The following ACER1 variants were observed in gnomAD, a reference collection of about 807,000 sequenced individuals.
ACER1 encodes alkaline ceramidase 1, also known as CTB-180A7.3.
Under a neutral mutation model 24.9 loss-of-function variants are expected in ACER1, and 28 were observed. That is an observed-to-expected ratio of 1.13 (90% CI 0.83 to 1.54). The LOEUF is 1.54. ACER1 is among the 40% of genes most tolerant of loss of function. ACER1 has a pLI of 0.00. For synonymous variants in ACER1, 132 were observed against 131.4 expected, an observed-to-expected ratio of 1.00 and a Z score of -0.03; for missense variants, 352 against 349.3, an observed-to-expected ratio of 1.01 and a Z score of -0.06.
At chr19:6,347,217 TC>T in the ACER1 span, among the ~76,000 whole-genome samples, 7 of 141,662 alleles carry the variant, frequency 4.9e-5, no homozygotes, top group East Asian at 2.1e-4. Flanking sequence ...TCTTTTCTTT[TC>T]TTTTTCTTTT....
upstream of ACER1, among the ~76,000 whole-genome samples, chr19:6,337,769 G>A (rs1329493526): frequency 1.1e-4 from 16 of 139,648 alleles, no homozygotes; most frequent in East Asian, 3.6e-3. Context: ...TCCGCCTCCT[G>A]GGTTCATGCC....
intron 1 of ACER1, 141 bp from the exon 2 acceptor site, chr19:6,312,640 A>ACTCAC: frequency 1.6e-6 from 1 of 611,712 alleles, no homozygotes; most frequent in Non-Finnish European, 2.9e-6. Context: ...TTTGTCAATC[A>ACTCAC]CTCACCTGTC....
At chr19:6,319,063 T>C (rs984637388) in intron 1 of ACER1, among the ~76,000 whole-genome samples, 2 of 151,842 alleles carry the variant, frequency 1.3e-5, no homozygotes, top group Non-Finnish European at 2.9e-5. Context: ...GCCCAGGATG[T>C]GGTATGAGCT....
At chr19:6,331,654 CGTG>C (rs1568313808) in intron 1 of ACER1, among the ~76,000 whole-genome samples, 1 of 151,648 alleles carries the variant, frequency 6.6e-6, no homozygotes, top group Non-Finnish European at 1.5e-5. Context: ...ATTAGCCAGG[CGTG>C]GTGGTGGGAA....
At chr19:6,355,509 A>T in the ACER1 span, among the ~76,000 whole-genome samples, 1 of 146,184 alleles carries the variant, frequency 6.8e-6, no homozygotes, top group Non-Finnish European at 1.5e-5. Context: ...CCCTCTGCCC[A>T]GCAGCCACCC....
At chr19:6,332,923 C>A (rs930155826) in intron 1 of ACER1, among the ~76,000 whole-genome samples, 4 of 152,098 alleles carry the variant, frequency 2.6e-5, no homozygotes, top group Admixed American at 6.6e-5. Flanking sequence ...CCCACCTTGG[C>A]CTTCCAAAGT....
chr19:6,315,914 A>C (rs1010209519), intron 1 of ACER1, among the ~76,000 whole-genome samples: 1 of 152,158 alleles, frequency 6.6e-6, no homozygotes, highest in Non-Finnish European at 1.5e-5. Flanking sequence ...CAAATCACGA[A>C]GTCAGGAATT....
At chr19:6,340,085 G>C in the ACER1 span, among the ~76,000 whole-genome samples, 1 of 151,456 alleles carries the variant, frequency 6.6e-6, no homozygotes, top group Non-Finnish European at 1.5e-5. Context: ...GACCAGCCTG[G>C]CCAACATGGT....
rs757918776 is a variant in ACER1 at position 6,312,150 on chromosome 19, T to A, written c.349A>T (p.Arg117Trp). 1.2e-6 allele frequency: 2 copies of A among 1,613,348 alleles called. No homozygotes were observed. The highest frequency in any genetic ancestry group is 2.7e-5 in the African/African-American group (2 of 74,914). ...CCAGATGGCCAGCCCCTGACCCACC[T>A]GTTCCCCCCAAGGAAGGAGGGGAAA... The part of the protein sequence containing the change: ...CYFPSFLGGN[R>W]SQFIRLVFIT... The change falls in exon 3 of 6, where the codon AGG becomes TGG. Residue 117 changes from arginine (R) to tryptophan (W), a missense_variant and splice_region_variant. Physicochemically the swap from Arg to Trp is moderately radical, Grantham distance 101. Transcript: ENST00000301452.
chr19:6,355,655 C>G, the ACER1 span, among the ~76,000 whole-genome samples: 21 of 141,406 alleles, frequency 1.5e-4, no homozygotes, highest in African/African-American at 3.0e-4. Flanking sequence ...CCAGCCGCCC[C>G]GTCCGGGAGG....
At chr19:6,310,169 G>C (rs2091571478) in intron 3 of ACER1, among the ~76,000 whole-genome samples, 1 of 151,884 alleles carries the variant, frequency 6.6e-6, no homozygotes, top group Non-Finnish European at 1.5e-5. Flanking sequence ...CTCGCTGCAA[G>C]CTCCACCTCC....
intron 1 of ACER1, among the ~76,000 whole-genome samples, chr19:6,320,509 C>T (rs1042871901): frequency 1.3e-4 from 19 of 151,922 alleles, no homozygotes; most frequent in African/African-American, 4.4e-4. Context: ...GACGGGGTTT[C>T]GCTATATTGG....
intron 4 of ACER1, 84 bp from the exon 5 acceptor site, chr19:6,307,374 A>AT: frequency 1.3e-6 from 2 of 1,508,878 alleles, no homozygotes; most frequent in Non-Finnish European, 1.8e-6. Context: ...TTCCACAGTG[A>AT]TGAGGCTCAG....
At chr19:6,321,272 A>G (rs1222804400) in intron 1 of ACER1, among the ~76,000 whole-genome samples, 4 of 151,616 alleles carry the variant, frequency 2.6e-5, no homozygotes, top group Non-Finnish European at 4.4e-5. Context: ...AGTAGCTGGG[A>G]TTACAGGAGC....
At position 6,307,137 on chromosome 19, in the gene ACER1, C is replaced by G; in HGVS notation, c.626+16G>C. ...TCTGACTCTGGGCCCCCCACAGCCT[C>G]AGAGCATGTGCTTACCAGATGCTGT... On this transcript the variant is annotated intron_variant, in intron 5 of 5. Coordinates refer to ENST00000301452, the MANE Select transcript of ACER1 (RefSeq NM_133492.3). 1 of 1,613,726 alleles carries G rather than the reference C, an allele frequency of 6.2e-7. No homozygotes were observed. The highest frequency in any genetic ancestry group is 8.5e-7 in the Non-Finnish European group (1 of 1,179,948).
intron 4 of ACER1, among the ~76,000 whole-genome samples, chr19:6,308,239 A>G (rs990061021): frequency 2.0e-5 from 3 of 152,104 alleles, no homozygotes; most frequent in African/African-American, 4.8e-5. Flanking sequence ...GTTCGAGACC[A>G]GCCTGGCCAA....
chr19:6,306,687 G>C lies in ACER1; in HGVS notation c.*27C>G. On this transcript the variant is annotated 3_prime_UTR_variant, in exon 6 of 6. Transcript: ENST00000301452. ...CAAGACACAGGCAAGTTGTTGGGTG[G>C]TTGGATAGTCAAGAGGCTGGCAGGT... 1.3e-6 allele frequency: 2 copies of C among 1,580,386 alleles called. No homozygotes were observed. The highest frequency in any genetic ancestry group is 1.7e-6 in the Non-Finnish European group (2 of 1,159,884).
intron 5 of ACER1, 105 bp from the exon 6 acceptor site, chr19:6,306,987 T>C: frequency 2.0e-6 from 3 of 1,497,536 alleles, no homozygotes; most frequent in African/African-American, 1.4e-5. Flanking sequence ...CAGGGGAGCC[T>C]TCTGGGTCTG....
the ACER1 span, among the ~76,000 whole-genome samples, chr19:6,353,066 C>T: frequency 1.3e-5 from 2 of 152,122 alleles, no homozygotes; most frequent in Non-Finnish European, 2.9e-5. Context: ...TGGCTCACAT[C>T]TGTAATCCCA....
Sources: allele counts gnomAD v4.1 joint callset (sites outside exome capture counted in the v4.1 genomes callset), GRCh38; gene constraint gnomAD v4.1.1; transcripts MANE v1.5; gene names NCBI Gene and HGNC (gene_info 2026-07-23, HGNC 2026-07-21).